CTNNA2: variants seen among roughly 807,000 people sequenced by gnomAD.
CTNNA2 encodes the protein catenin alpha-2.
In CTNNA2, 42 loss-of-function variants were observed where a neutral mutation model predicts 101.0. That is an observed-to-expected ratio of 0.42 (90% CI 0.32 to 0.54). The LOEUF (loss-of-function observed/expected upper bound fraction) is 0.54, where lower values mean the gene tolerates loss of function less well. Ranked by LOEUF, CTNNA2 falls within the 20% of genes least tolerant of loss-of-function variation. CTNNA2 has a pLI of 0.14. For missense variants in CTNNA2, 871 were observed against 1,223.1 expected (o/e 0.71, Z 4.29); for synonymous variants, 450 against 456.4 (o/e 0.99, Z 0.18).
chr2:79,716,719 A>G (rs1452391633), intron 2 of CTNNA2, among the ~76,000 whole-genome samples: 1 of 152,150 alleles, frequency 6.6e-6, no homozygotes, highest in Non-Finnish European at 1.5e-5. Context: ...ATATTCTGGT[A>G]TTTTATGAGA....
At chr2:79,258,687 T>A (rs1674878646) in intron 2 of CTNNA2, among the ~76,000 whole-genome samples, 1 of 152,000 alleles carries the variant, frequency 6.6e-6, no homozygotes, top group Admixed American at 6.6e-5. Flanking sequence ...AGTGGCAGAC[T>A]AGGAAGAAAA....
At chr2:80,177,209 C>T (rs1267871334) in intron 7 of CTNNA2, among the ~76,000 whole-genome samples, 2 of 152,110 alleles carry the variant, frequency 1.3e-5, no homozygotes, top group African/African-American at 4.8e-5. Context: ...GTGCCTTGGT[C>T]AGAGGCAATG....
intron 7 of CTNNA2, among the ~76,000 whole-genome samples, chr2:80,138,466 A>G (rs1208366178): frequency 6.6e-6 from 1 of 152,160 alleles, no homozygotes; most frequent in Non-Finnish European, 1.5e-5. Flanking sequence ...AATATACATT[A>G]AGCATGGAGA....
intron 7 of CTNNA2, among the ~76,000 whole-genome samples, chr2:80,279,726 C>A (rs1055858843): frequency 1.3e-5 from 2 of 152,046 alleles, no homozygotes; most frequent in Non-Finnish European, 2.9e-5. Context: ...ACATAGAAAG[C>A]CTTGAAATGT....
At chr2:79,345,799 T>A (rs1183716375) in intron 3 of CTNNA2, among the ~76,000 whole-genome samples, 1 of 151,900 alleles carries the variant, frequency 6.6e-6, no homozygotes, top group Non-Finnish European at 1.5e-5. Context: ...TTCAAGCAAT[T>A]CTTATTCCTC....
intron 1 of CTNNA2, among the ~76,000 whole-genome samples, chr2:79,583,542 T>C (rs918715837): frequency 6.6e-6 from 1 of 152,096 alleles, no homozygotes; most frequent in Non-Finnish European, 1.5e-5. Context: ...CCTAGGAGTA[T>C]TGACCTAGGT....
intron 5 of CTNNA2, among the ~76,000 whole-genome samples, chr2:79,506,764 A>G (rs1040292600): frequency 6.6e-6 from 1 of 152,204 alleles, no homozygotes; most frequent in Admixed American, 6.5e-5. Flanking sequence ...ATATCAGGAG[A>G]TTCTGTCCCA....
intron 7 of CTNNA2, among the ~76,000 whole-genome samples, chr2:79,932,936 C>G (rs926392723): frequency 2.0e-5 from 3 of 152,138 alleles, no homozygotes; most frequent in Non-Finnish European, 4.4e-5. Flanking sequence ...CTGTTGATCC[C>G]TGTGATCTTT....
At chr2:79,976,344 A>G (rs1326403474) in intron 7 of CTNNA2, among the ~76,000 whole-genome samples, 2 of 152,096 alleles carry the variant, frequency 1.3e-5, no homozygotes, top group Non-Finnish European at 2.9e-5. Context: ...TGAATAAGAC[A>G]CCATACCCTG....
At chr2:79,487,718 C>T (rs1471122428) in intron 4 of CTNNA2, among the ~76,000 whole-genome samples, 2 of 152,184 alleles carry the variant, frequency 1.3e-5, no homozygotes, top group African/African-American at 4.8e-5. Flanking sequence ...CCTCACATCT[C>T]ACTACCACTG....
chr2:79,549,045 G>T (rs1276530631), intron 1 of CTNNA2, among the ~76,000 whole-genome samples: 1 of 152,186 alleles, frequency 6.6e-6, no homozygotes, highest in African/African-American at 2.4e-5. Context: ...GGCATACGGT[G>T]CATAGTAATA....
chr2:79,981,088 T>C (rs1691231593), intron 7 of CTNNA2, among the ~76,000 whole-genome samples: 1 of 152,136 alleles, frequency 6.6e-6, no homozygotes, highest in Non-Finnish European at 1.5e-5. Flanking sequence ...TTTTCCACTG[T>C]CAAAATGATA....
intron 4 of CTNNA2, among the ~76,000 whole-genome samples, chr2:79,389,820 A>G (rs1678152442): frequency 6.6e-6 from 1 of 152,100 alleles, no homozygotes; most frequent in African/African-American, 2.4e-5. Context: ...TTTAGAGTAA[A>G]ATGTGTTTTT....
chr2:79,360,145 A>G (rs1677595241), intron 3 of CTNNA2, among the ~76,000 whole-genome samples: 1 of 152,178 alleles, frequency 6.6e-6, no homozygotes, highest in Non-Finnish European at 1.5e-5. Flanking sequence ...TAATTAAGCT[A>G]CTATTATGAC....
chr2:80,574,280 T>C lies in CTNNA2; in HGVS notation c.1859T>C (p.Val620Ala). 6.2e-7 allele frequency: 1 copy of C among 1,613,200 alleles called. No homozygotes were observed. The highest frequency in any genetic ancestry group is 8.5e-7 in the Non-Finnish European group (1 of 1,179,338). ...GCCTCTCGCCTGGTGTATGATGGCG[T>C]TCGGGACATCAGAAAGGCTGTGCTG... is the stretch of plus-strand genomic sequence containing the variant. Reference protein sequence around the residue: ...IDASRLVYDGVRDIRKAVLMI... With the variant: ...IDASRLVYDGARDIRKAVLMI... Residue 620 changes from valine to alanine, a missense_variant, in exon 13 of 19, where the codon GTT (valine) becomes GCT (alanine). Val to Ala is a moderately conservative substitution (Grantham distance 64, BLOSUM62 0). Coordinates refer to ENST00000402739, the MANE Select transcript of CTNNA2 (RefSeq NM_001282597.3).
At chr2:80,221,209 G>A (rs1708556982) in intron 7 of CTNNA2, among the ~76,000 whole-genome samples, 1 of 152,160 alleles carries the variant, frequency 6.6e-6, no homozygotes. Flanking sequence ...AAGACTACCA[G>A]CTGCATATAA....
At chr2:80,398,271 T>G in intron 8 of CTNNA2, among the ~76,000 whole-genome samples, 1 of 152,206 alleles carries the variant, frequency 6.6e-6, no homozygotes, top group East Asian at 1.9e-4. Flanking sequence ...TTTAAGTTCA[T>G]TGTAAAAAAA....
intron 18 of CTNNA2, among the ~76,000 whole-genome samples, chr2:80,627,187 GT>G: frequency 6.6e-6 from 1 of 152,274 alleles, no homozygotes; most frequent in African/African-American, 2.4e-5. Flanking sequence ...GTGTGTGTGT[GT>G]GTCTTTATAG....
At chr2:80,008,602 G>T (rs1693547529) in intron 7 of CTNNA2, among the ~76,000 whole-genome samples, 1 of 152,172 alleles carries the variant, frequency 6.6e-6, no homozygotes, top group African/African-American at 2.4e-5. Context: ...GTAGCTGTAG[G>T]ACTCAGTTTC....
Sources: gnomAD v4.1 joint callset for allele counts (sites outside exome capture counted in the v4.1 genomes callset) on GRCh38, gnomAD v4.1.1 for gene constraint, MANE v1.5 for transcripts, NCBI Gene and HGNC (gene_info 2026-07-23, HGNC 2026-07-21) for gene names.